Variants in B4GALNT2 observed in about 807,000 individuals in gnomAD.
B4GALNT2 encodes N-acetylneuraminylgalactosylglucosyl-glucoside beta-1,4-N- acetylgalactosaminyltransferase 2.
In B4GALNT2, 42 loss-of-function variants were observed where a neutral mutation model predicts 51.1. That is an observed-to-expected ratio of 0.82 (90% CI 0.64 to 1.06). The LOEUF is 1.06. Ranked by LOEUF, B4GALNT2 falls within the 50% of genes least tolerant of loss-of-function variation. The pLI is 0.00. For missense variants in B4GALNT2, 602 were observed against 633.6 expected, an observed-to-expected ratio of 0.95 and a Z score of 0.54; for synonymous variants, 253 against 251.7, an observed-to-expected ratio of 1.01 and a Z score of -0.05.
chr17:49,129,374 C>A (rs2144257231), upstream of B4GALNT2, among the ~76,000 whole-genome samples: 1 of 152,252 alleles, frequency 6.6e-6, no homozygotes, highest in South Asian at 2.1e-4. Flanking sequence ...CCTCCTCATG[C>A]AAATTGCTCA....
chr17:49,152,290 A>T (rs922111198), intron 3 of B4GALNT2, among the ~76,000 whole-genome samples: 3 of 152,138 alleles, frequency 2.0e-5, no homozygotes, highest in African/African-American at 7.2e-5. Flanking sequence ...AGATGGGAGG[A>T]CTGCCTGAGC....
At chr17:49,129,443 G>A (rs532623752), upstream of B4GALNT2, among the ~76,000 whole-genome samples, 1 of 152,312 alleles carries the variant, frequency 6.6e-6, no homozygotes, top group South Asian at 2.1e-4. Context: ...GATCCAGTGG[G>A]ATGAGCAGCT....
intron 3 of B4GALNT2, among the ~76,000 whole-genome samples, chr17:49,147,615 A>C (rs1366656670): frequency 6.6e-6 from 1 of 151,970 alleles, no homozygotes; most frequent in African/African-American, 2.4e-5. Flanking sequence ...AGCTCAAGCA[A>C]TCCAGCTGTC....
chr17:49,160,489 C>T (rs567504906), intron 6 of B4GALNT2, 66 bp from the exon 7 acceptor site: 100 of 1,482,300 alleles, frequency 6.7e-5, no homozygotes, highest in Non-Finnish European at 5.8e-5. Flanking sequence ...GGTGGCTTCC[C>T]GGGGTGGCAT....
At chr17:49,152,946 C>G in intron 4 of B4GALNT2, 40 bp downstream of exon 4, 3 of 1,535,270 alleles carry the variant, frequency 2.0e-6, no homozygotes, top group South Asian at 1.2e-5. Context: ...AGACAACATT[C>G]TCACTCTTCT....
chr17:49,162,200 A>C (rs1226493126), intron 7 of B4GALNT2, among the ~76,000 whole-genome samples: 2 of 152,112 alleles, frequency 1.3e-5, no homozygotes, highest in Admixed American at 6.5e-5. Flanking sequence ...ACAAAGGACA[A>C]ATTGGGAAAA....
At chr17:49,130,538 A>C (rs1037743003), upstream of B4GALNT2, among the ~76,000 whole-genome samples, 1 of 152,150 alleles carries the variant, frequency 6.6e-6, no homozygotes, top group Non-Finnish European at 1.5e-5. Context: ...CTTAGGAGGC[A>C]GGGGCAGGAG....
chr17:49,136,094 A>AG (rs1598195028), intron 1 of B4GALNT2, among the ~76,000 whole-genome samples: 1 of 151,314 alleles, frequency 6.6e-6, no homozygotes, highest in East Asian at 1.9e-4. Context: ...AAAAAAAAAA[A>AG]AAAGAAAATC....
At chr17:49,155,312 A>AG (rs1567862404) in intron 4 of B4GALNT2, among the ~76,000 whole-genome samples, 5 of 149,224 alleles carry the variant, frequency 3.4e-5, no homozygotes, top group Admixed American at 6.7e-5. Context: ...AAAAAAAAAA[A>AG]AAAAAAAAGG....
chr17:49,132,064 C>T (rs556530078), upstream of B4GALNT2, among the ~76,000 whole-genome samples: 4 of 152,006 alleles, frequency 2.6e-5, no homozygotes, highest in East Asian at 5.8e-4. Flanking sequence ...ATCATTTGAG[C>T]GCTGGAGGTC....
chr17:49,169,993 C>G lies in B4GALNT2; in HGVS notation c.*265C>G, dbSNP rs963732285. The G allele has an allele frequency of 6.0e-5, 21 of 349,992 alleles. No homozygotes were observed. The Admixed American group carries it at 6.2e-4, about 10-fold the overall frequency. The allele number at this position is 349,992 out of a possible 1,614,324, so 21.7% of individuals were successfully genotyped here. ...GCCTTTTTTGAAGCATTTGCATGGG[C>G]AGTATCTCACATCATCTCATCTGAT... On this transcript the variant is annotated 3_prime_UTR_variant, in exon 11 of 11. Transcript: ENST00000393354.
chr17:49,122,098 GGTT>G, the B4GALNT2 span, among the ~76,000 whole-genome samples: 8 of 152,112 alleles, frequency 5.3e-5, no homozygotes, highest in Admixed American at 3.3e-4. Flanking sequence ...TCGGAGGAGA[GGTT>G]ATCTCAGGGC....
the B4GALNT2 span, among the ~76,000 whole-genome samples, chr17:49,123,521 A>G: frequency 6.6e-6 from 1 of 152,186 alleles, no homozygotes; most frequent in Non-Finnish European, 1.5e-5. Flanking sequence ...TAAAAGACAA[A>G]TCATGGTAGG....
intron 8 of B4GALNT2, 60 bp downstream of exon 8, chr17:49,164,335 G>A: frequency 6.7e-7 from 1 of 1,488,952 alleles, no homozygotes; most frequent in South Asian, 1.1e-5. Context: ...CCCAGGGTCA[G>A]GTTCTACCCT....
chr17:49,167,578 C>T (rs2042922244), intron 9 of B4GALNT2, among the ~76,000 whole-genome samples: 1 of 151,548 alleles, frequency 6.6e-6, no homozygotes, highest in Non-Finnish European at 1.5e-5. Flanking sequence ...ACATTGTACC[C>T]CACAGGTAAT....
rs1452701734 is a variant in B4GALNT2 at position 49,173,934 on chromosome 17, A to G, written c.*4206A>G. On this transcript the variant is annotated 3_prime_UTR_variant, in exon 11 of 11. Coordinates refer to ENST00000393354, the MANE Select transcript of B4GALNT2 (RefSeq NM_001159387.2). ...CTTCTTTTGTTAATTGCCGAGGGCTATGAGACTAGCATCTCCTCTAAGGTT... is the reference window on the plus strand; with the variant it reads ...CTTCTTTTGTTAATTGCCGAGGGCTGTGAGACTAGCATCTCCTCTAAGGTT... 3 of 152,172 alleles carry G rather than the reference A, an allele frequency of 2.0e-5. No homozygotes were observed. The highest frequency in any genetic ancestry group is 2.4e-5 in the African/African-American group (1 of 41,438). The allele number at this position is 152,172 out of a possible 1,614,324, so 9.4% of individuals were successfully genotyped here.
intron 5 of B4GALNT2, among the ~76,000 whole-genome samples, chr17:49,157,930 A>G (rs977814694): frequency 2.0e-5 from 3 of 152,208 alleles, no homozygotes; most frequent in African/African-American, 7.2e-5. Context: ...ACTGACTAGT[A>G]TCAACAGTGT....
In B4GALNT2 at chr17:49,169,765, G is replaced by C; in HGVS notation, c.*37G>C. ...CATAGGAGAAACACTAGGCTGGCTGGTTATGGTATCTATAGCAGGCCACCA... is the reference window on the plus strand; with the variant it reads ...CATAGGAGAAACACTAGGCTGGCTGCTTATGGTATCTATAGCAGGCCACCA... On this transcript the variant is annotated 3_prime_UTR_variant, in exon 11 of 11. Coordinates refer to ENST00000393354, the MANE Select transcript of B4GALNT2 (RefSeq NM_001159387.2). 1 of 1,508,768 alleles carries C rather than the reference G, an allele frequency of 6.6e-7. No homozygotes were observed. Among genetic ancestry groups the C allele is most frequent in the Non-Finnish European group, 8.9e-7 (1 of 1,123,610 alleles). 93.5% of individuals were successfully genotyped at this position (1,508,768 alleles called of 1,614,324 possible).
rs556401978 is a variant in B4GALNT2, at chr17:49,170,973, A to G, written c.*1245A>G. 5.2e-4 allele frequency: 81 copies of G among 154,598 alleles called. 1 individual carries two copies. The South Asian group carries it at 0.016, about 31-fold the overall frequency. The allele number at this position is 154,598 out of a possible 1,614,324, so 9.6% of individuals were successfully genotyped here. ...TCATACTATTATTTGTGGCTTAGGAATGCTTTAAGCGGTTTTCCACCCTGG... is the reference window on the plus strand; with the variant it reads ...TCATACTATTATTTGTGGCTTAGGAGTGCTTTAAGCGGTTTTCCACCCTGG... On this transcript the variant is annotated 3_prime_UTR_variant, in exon 11 of 11. Coordinates refer to ENST00000393354, the MANE Select transcript of B4GALNT2 (RefSeq NM_001159387.2).
Sources: allele counts gnomAD v4.1 joint callset (sites outside exome capture counted in the v4.1 genomes callset), GRCh38; gene constraint gnomAD v4.1.1; transcripts MANE v1.5; gene names NCBI Gene and HGNC (gene_info 2026-07-23, HGNC 2026-07-21).